The following USP9X variants were observed in gnomAD, a reference collection of about 807,000 sequenced individuals.
USP9X encodes the protein ubiquitin specific peptidase 9 X-linked, also known as ubiquitin carboxyl-terminal hydrolase 9X.
A neutral mutation model predicts 190.3 loss-of-function variants in USP9X; 7 were observed. The ratio of observed to expected loss-of-function variants is 0.04; its 90% confidence interval spans 0.02 to 0.07. The LOEUF (loss-of-function observed/expected upper bound fraction) is 0.07, where lower values mean the gene tolerates loss of function less well. USP9X is among the 10% of genes least tolerant of loss of function. The pLI is 1.00. For missense variants in USP9X, 1,010 were observed against 1,916.9 expected, an observed-to-expected ratio of 0.53 and a Z score of 8.83; for synonymous variants, 645 against 659.5, an observed-to-expected ratio of 0.98 and a Z score of 0.34.
At position 41,168,040 on chromosome X, in the gene USP9X, T is replaced by C; in HGVS notation, c.2458T>C (p.Phe820Leu). ...VIHEDFIQSC[F>L]DRLKASYDTL... ...CCATGAAGACTTCATTCAGTCTTGT[T>C]TTGATCGTCTGAAGGCTTCCTATGA... is the stretch of plus-strand genomic sequence containing the variant. The change falls in exon 18 of 45, where the codon TTT becomes CTT. Residue 820 changes from phenylalanine to leucine, a missense_variant. By Grantham distance (22) the Phe-to-Leu change is conservative. Around this residue, in one of 11 missense-constraint regions of USP9X, gnomAD observed 104 missense variants for 239.8 expected, o/e 0.43. Coordinates refer to ENST00000378308, the MANE Select transcript of USP9X (RefSeq NM_001039591.3). 1.7e-6 allele frequency: 2 copies of C among 1,210,681 alleles called. No homozygotes were observed. Among genetic ancestry groups the C allele is most frequent in the Middle Eastern group, 4.6e-4 (2 of 4,348 alleles).
intron 1 of USP9X, among the ~76,000 whole-genome samples, chrX:41,098,833 C>T (rs1388972879): frequency 9.0e-6 from 1 of 111,127 alleles, no homozygotes; most frequent in Non-Finnish European, 1.9e-5. Flanking sequence ...GTGTGAGCCA[C>T]CGTGCCCAGC....
intron 5 of USP9X, among the ~76,000 whole-genome samples, chrX:41,136,094 G>C (rs1048750096): frequency 8.9e-6 from 1 of 112,361 alleles, no homozygotes; most frequent in East Asian, 2.8e-4. Flanking sequence ...TGGAAGTGGC[G>C]TCAGACTTCT....
chrX:41,125,684 A>ACACACACACTCACTCTCTCTCTCTCTCT, intron 2 of USP9X, among the ~76,000 whole-genome samples: 2 of 19,025 alleles, frequency 1.1e-4, no homozygotes, highest in African/African-American at 4.4e-4. Flanking sequence ...ACACACACAC[A>ACACACACACTCACTCTCTCTCTCTCTCT]CTCTCTCTCT....
intron 1 of USP9X, among the ~76,000 whole-genome samples, chrX:41,108,907 A>G (rs778289253): frequency 5.1e-4 from 57 of 111,354 alleles, no homozygotes; most frequent in South Asian, 3.8e-4. Context: ...AGCTGGAAAA[A>G]AGAGCCCCAG....
At chrX:41,096,733 C>T (rs1325582740) in intron 1 of USP9X, among the ~76,000 whole-genome samples, 1 of 112,006 alleles carries the variant, frequency 8.9e-6, no homozygotes, top group Non-Finnish European at 1.9e-5. Context: ...AGCCACCGCG[C>T]CTGGTCAAGA....
chrX:41,232,831 A>C lies in USP9X; in HGVS notation c.*307A>C, dbSNP rs1177446927. 3.7e-5 allele frequency: 5 copies of C among 135,622 alleles called. No homozygotes were observed. The highest frequency in any genetic ancestry group is 5.9e-5 in the Non-Finnish European group (4 of 67,669). 11.2% of individuals were successfully genotyped at this position (135,622 alleles called of 1,213,427 possible). The stretch of plus-strand genomic sequence containing the variant: ...ACTTTTTTCTTGATGAGACTCACAG[A>C]TCTACACAAACTACAAAAGTTAATT... On this transcript the variant is annotated 3_prime_UTR_variant, in exon 45 of 45. Transcript: ENST00000378308.
At chrX:41,142,329 G>A (rs760502090) in intron 9 of USP9X, among the ~76,000 whole-genome samples, 4 of 111,352 alleles carry the variant, frequency 3.6e-5, no homozygotes, top group East Asian at 2.8e-4. Flanking sequence ...TTGACATTGC[G>A]ACATTTTTAT....
intron 26 of USP9X, chrX:41,195,882 G>T (rs1286685171): frequency 2.9e-6 from 1 of 340,090 alleles, no homozygotes; most frequent in South Asian, 2.6e-5. Flanking sequence ...CAGAGCTGTT[G>T]TGCAGAACCA....
chrX:41,208,929 C>T (rs1421642238), intron 32 of USP9X, among the ~76,000 whole-genome samples: 1 of 110,448 alleles, frequency 9.1e-6, no homozygotes, highest in African/African-American at 3.3e-5. Context: ...AGGGTGGTCT[C>T]GAACTCCTGA....
intron 1 of USP9X, among the ~76,000 whole-genome samples, chrX:41,108,172 A>T (rs1264642287): frequency 9.0e-6 from 1 of 111,595 alleles, no homozygotes; most frequent in Non-Finnish European, 1.9e-5. Context: ...TTTAGTGCCT[A>T]CCCCTCAGCC....
chrX:41,096,909 CTG>C (rs1430482127), intron 1 of USP9X, among the ~76,000 whole-genome samples: 3 of 112,264 alleles, frequency 2.7e-5, no homozygotes, highest in Non-Finnish European at 5.6e-5. Flanking sequence ...GTGGAAAAAT[CTG>C]TAGTCAAGAG....
intron 30 of USP9X, among the ~76,000 whole-genome samples, 162 bp from the exon 31 acceptor site, chrX:41,200,898 G>T (rs2063036071): frequency 8.9e-6 from 1 of 112,251 alleles, no homozygotes; most frequent in Non-Finnish European, 1.9e-5. Flanking sequence ...ATTTTAGATT[G>T]TTGGAAGATG....
chrX:41,158,623 A>T (rs1466961394), intron 14 of USP9X, among the ~76,000 whole-genome samples: 3 of 111,443 alleles, frequency 2.7e-5, no homozygotes, highest in East Asian at 5.6e-4. Flanking sequence ...CATCAGACAG[A>T]GTGTTCCGAA....
intron 15 of USP9X, among the ~76,000 whole-genome samples, chrX:41,164,167 G>T (rs2062659275): frequency 2.7e-5 from 3 of 111,470 alleles, no homozygotes; most frequent in South Asian, 7.6e-4. Flanking sequence ...ACCGTGCCTG[G>T]CCCCATTTAT....
chrX:41,186,780 C>T, intron 24 of USP9X, 138 bp downstream of exon 24: 2 of 709,672 alleles, frequency 2.8e-6, no homozygotes, highest in Non-Finnish European at 4.1e-6. Flanking sequence ...TGTTTTTAAT[C>T]AACTTTATGT....
chrX:41,229,722 G>T lies in USP9X; in HGVS notation c.7374G>T (p.Glu2458Asp). Reference protein sequence around the residue: ...SNETSNGYFLERSHSARMTLA... With the variant: ...SNETSNGYFLDRSHSARMTLA... The stretch of plus-strand genomic sequence containing the variant: ...AAACGTCCAATGGTTATTTCTTGGA[G>T]AGATCACATAGTGCTAGGATGACAC... Residue 2458 changes from glutamate (E) to aspartate (D), a missense_variant, in exon 43 of 45, where the codon GAG (glutamate) becomes GAT (aspartate). Transcript: ENST00000378308. 2.5e-6 allele frequency: 3 copies of T among 1,212,034 alleles called. No individual in the cohort carries two copies. The highest frequency in any genetic ancestry group is 3.3e-6 in the Non-Finnish European group (3 of 895,609).
At chrX:41,131,197 A>G (rs904333713) in intron 3 of USP9X, among the ~76,000 whole-genome samples, 1 of 111,506 alleles carries the variant, frequency 9.0e-6, no homozygotes, top group East Asian at 2.8e-4. Context: ...TTTATATCCT[A>G]AGTTATCAAG....
At chrX:41,128,125 T>C (rs1443395441) in intron 2 of USP9X, among the ~76,000 whole-genome samples, 1 of 112,270 alleles carries the variant, frequency 8.9e-6, no homozygotes, top group African/African-American at 3.2e-5. Flanking sequence ...AATCATGAAC[T>C]TCTAAATAAT....
At chrX:41,159,769 C>A (rs949723388) in intron 14 of USP9X, among the ~76,000 whole-genome samples, 9 of 111,071 alleles carry the variant, frequency 8.1e-5, no homozygotes, top group African/African-American at 3.0e-4. Context: ...GATGATCAGC[C>A]CTCCTCAGCC....
Sources: gnomAD v4.1 joint callset for allele counts (sites outside exome capture counted in the v4.1 genomes callset) on GRCh38, gnomAD v4.1.1 for gene constraint, gnomAD v4.1.1 regional missense constraint, MANE v1.5 for transcripts, NCBI Gene and HGNC (gene_info 2026-07-23, HGNC 2026-07-21) for gene names.